PLS3: variants seen among roughly 807,000 people sequenced by gnomAD.
PLS3 encodes the protein plastin-3.
PLS3 carries 11 observed loss-of-function variants against 46.5 expected under a neutral mutation model. The ratio of observed to expected loss-of-function variants is 0.24; its 90% CI spans 0.15 to 0.39. PLS3 has a LOEUF of 0.39. Among genes scored for constraint, PLS3 ranks in the 10% least tolerant of loss-of-function variants. The probability of loss-of-function intolerance (pLI) is 1.00; values close to 1 mark genes in which losing one functional copy is unlikely to be tolerated. For missense variants in PLS3, 308 were observed against 461.8 expected (o/e 0.67, Z 3.05); for synonymous variants, 167 against 162.2 (o/e 1.03, Z -0.22).
chrX:115,628,666 G>A (rs1556638804), intron 3 of PLS3, among the ~76,000 whole-genome samples: 1 of 111,686 alleles, frequency 9.0e-6, no homozygotes, highest in Admixed American at 9.6e-5. Context: ...TCTTTTTGGT[G>A]TTTATTCTTG....
In PLS3 at chrX:115,598,306, A is replaced by G. The variant is rs782718238; in HGVS notation, c.-8-11937A>G. ...AGATTCTATTTCAAAAAAAAAAAAA[A>G]AAGAAGAAGGAGAAGAAGCAATTTT... On this transcript the variant is annotated intron_variant, in intron 1 of 15. Coordinates refer to ENST00000355899, the MANE Select transcript of PLS3 (RefSeq NM_005032.7). Among the ~76,000 whole-genome samples, 558 of 109,424 alleles carry G rather than the reference A, an allele frequency of 5.1e-3. 5 individuals carry two copies. Among genetic ancestry groups the G allele is most frequent in the African/African-American group, 0.017 (514 of 30,101 alleles).
chrX:115,601,688 G>A (rs2074445936), intron 1 of PLS3, among the ~76,000 whole-genome samples: 1 of 110,530 alleles, frequency 9.0e-6, no homozygotes, highest in Non-Finnish European at 1.9e-5. Flanking sequence ...CAGACATGAG[G>A]TGATAAACAG....
intron 1 of PLS3, among the ~76,000 whole-genome samples, chrX:115,583,823 T>C (rs182499030): frequency 8.9e-6 from 1 of 112,183 alleles, no homozygotes; most frequent in Admixed American, 9.5e-5. Context: ...TTTGGAAAGC[T>C]AAAGCAGTGA....
At chrX:115,624,227 CAAAAAAAAAAAAAAAAAAA>C (rs1211607990) in intron 3 of PLS3, 1 of 12,634 alleles carries the variant, frequency 7.9e-5, no homozygotes, top group Non-Finnish European at 1.8e-4. Flanking sequence ...GACTCCGTCT[CAAAAAAAAAAAAAAAAAAA>C]AAAAAAAGCA....
intron 1 of PLS3, among the ~76,000 whole-genome samples, chrX:115,598,584 T>C (rs1305764017): frequency 8.0e-5 from 9 of 112,106 alleles, no homozygotes; most frequent in Non-Finnish European, 1.7e-4. Context: ...TCAAGCAAAA[T>C]TCCAAGCCAC....
chrX:115,618,040 C>T (rs1556637053), intron 2 of PLS3, among the ~76,000 whole-genome samples: 1 of 111,212 alleles, frequency 9.0e-6, no homozygotes, highest in African/African-American at 3.3e-5. Flanking sequence ...GATCCTCCTG[C>T]CTCGGCCTCC....
At chrX:115,571,325 C>T (rs782047655) in intron 1 of PLS3, among the ~76,000 whole-genome samples, 1 of 111,663 alleles carries the variant, frequency 9.0e-6, no homozygotes, top group Non-Finnish European at 1.9e-5. Flanking sequence ...CGAAACCAGC[C>T]TGGCCAACAT....
At chrX:115,579,920 T>G (rs1243784740) in intron 1 of PLS3, among the ~76,000 whole-genome samples, 2 of 111,032 alleles carry the variant, frequency 1.8e-5, no homozygotes, top group African/African-American at 6.6e-5. Context: ...GGTCTTGTTA[T>G]ATTGCCCAGG....
intron 5 of PLS3, among the ~76,000 whole-genome samples, chrX:115,632,393 G>A (rs1484015951): frequency 3.6e-5 from 4 of 110,499 alleles, no homozygotes; most frequent in Admixed American, 9.7e-5. Context: ...CCAGGAGTTC[G>A]AGGCTGCAGT....
intron 2 of PLS3, chrX:115,622,039 A>T: frequency 2.8e-6 from 1 of 358,800 alleles, no homozygotes; most frequent in Non-Finnish European, 4.8e-6. Flanking sequence ...CTACTTACAC[A>T]TTGCTTAAAT....
chrX:115,574,983 A>C (rs782637237), intron 1 of PLS3, among the ~76,000 whole-genome samples: 63 of 111,844 alleles, frequency 5.6e-4, no homozygotes, highest in African/African-American at 2.0e-3. Context: ...AACCCCATAC[A>C]CTTTAGCTAT....
At chrX:115,563,270 T>C (rs915777068) in intron 1 of PLS3, among the ~76,000 whole-genome samples, 11 of 112,176 alleles carry the variant, frequency 9.8e-5, no homozygotes, top group African/African-American at 3.6e-4. Context: ...CCACCAGTTA[T>C]TTGTGGTTTT....
chrX:115,587,428 G>C (rs1326182726), intron 1 of PLS3, among the ~76,000 whole-genome samples: 1 of 112,114 alleles, frequency 8.9e-6, no homozygotes, highest in Non-Finnish European at 1.9e-5. Flanking sequence ...AGCTAAACTA[G>C]CTGCCTTTTT....
At chrX:115,603,094 A>G (rs932145524) in intron 1 of PLS3, among the ~76,000 whole-genome samples, 1 of 111,169 alleles carries the variant, frequency 9.0e-6, no homozygotes, top group Non-Finnish European at 1.9e-5. Context: ...AGGTAGTTGT[A>G]GGTATACCTT....
At chrX:115,583,000 C>T (rs1302850725) in intron 1 of PLS3, among the ~76,000 whole-genome samples, 3 of 111,259 alleles carry the variant, frequency 2.7e-5, no homozygotes, top group African/African-American at 9.8e-5. Flanking sequence ...GTGATTGCAC[C>T]ACGGCACTCA....
chrX:115,620,769 T>C (rs1452827099), intron 2 of PLS3, among the ~76,000 whole-genome samples: 3 of 93,284 alleles, frequency 3.2e-5, no homozygotes, highest in Non-Finnish European at 6.4e-5. Flanking sequence ...CTGCAGTGCA[T>C]TGGTGCAATC....
In PLS3 at chrX:115,610,243, A is replaced by G; in HGVS notation, c.-8A>G. On this transcript the variant is annotated splice_region_variant and 5_prime_UTR_variant, in exon 2 of 16. Coordinates refer to ENST00000355899, the MANE Select transcript of PLS3 (RefSeq NM_005032.7). ...TGAAACGTTTTTGGTTTTTCTTTAGATCTTTAAATGGATGAGATGGCTACC... is the reference window on the plus strand; with the variant it reads ...TGAAACGTTTTTGGTTTTTCTTTAGGTCTTTAAATGGATGAGATGGCTACC... 9.0e-7 allele frequency: 1 copy of G among 1,111,899 alleles called. No individual in the cohort carries two copies. The highest frequency in any genetic ancestry group is 1.2e-6 in the Non-Finnish European group (1 of 825,619). 91.6% of individuals were successfully genotyped at this position (1,111,899 alleles called of 1,213,427 possible). A position where few individuals can be genotyped will look rare whatever the true frequency, so the allele number is the denominator to read the frequency against.
At chrX:115,634,856 A>C (rs1315348339) in intron 6 of PLS3, 25 bp from the exon 7 acceptor site, 1 of 1,187,927 alleles carries the variant, frequency 8.4e-7, no homozygotes, top group Non-Finnish European at 1.1e-6. Context: ...TCAAGAAGCA[A>C]GTGTGTAATT....
chrX:115,593,565 T>C, intron 1 of PLS3: 1 of 110,949 alleles, frequency 9.0e-6, no homozygotes, highest in Non-Finnish European at 1.9e-5. Context: ...ATTGCTCTTC[T>C]GGGCGTGGGA....
Sources: allele counts gnomAD v4.1 joint callset (sites outside exome capture counted in the v4.1 genomes callset), GRCh38; gene constraint gnomAD v4.1.1; transcripts MANE v1.5; gene names NCBI Gene and HGNC (gene_info 2026-07-23, HGNC 2026-07-21).